PGM5: variants seen among roughly 807,000 people sequenced by gnomAD.
PGM5 encodes the protein phosphoglucomutase 5.
A neutral mutation model predicts 59.2 loss-of-function variants in PGM5; 23 were observed. The ratio of observed to expected loss-of-function variants is 0.39; its 90% CI spans 0.28 to 0.55. PGM5 has a LOEUF of 0.55. Among genes scored for constraint, PGM5 ranks in the 20% least tolerant of loss-of-function variants. The probability of loss-of-function intolerance (pLI) is 0.66; values close to 1 mark genes in which losing one functional copy is unlikely to be tolerated. For missense variants in PGM5, 574 were observed against 748.3 expected, an observed-to-expected ratio of 0.77 and a Z score of 2.72; for synonymous variants, 214 against 286.0, an observed-to-expected ratio of 0.75 and a Z score of 2.54.
In PGM5 at chr9:68,523,744, C is replaced by T. The variant is rs140832556; in HGVS notation, c.1615-5823C>T. The stretch of plus-strand genomic sequence containing the variant: ...TCGTCATCCACACCTATTCACTCTC[C>T]ACCCATGGCTCCAATCCTTCCCCGA... On this transcript the variant is annotated intron_variant, in intron 10 of 10. Transcript: ENST00000396396. Among the ~76,000 whole-genome samples, 478 of 152,286 alleles carry T rather than the reference C, an allele frequency of 3.1e-3. 1 individual carries two copies. The highest frequency in any genetic ancestry group is 0.014 in the Middle Eastern group (4 of 294).
intron 1 of PGM5, among the ~76,000 whole-genome samples, chr9:68,370,509 TA>T (rs1821665408): frequency 6.6e-6 from 1 of 152,238 alleles, no homozygotes; most frequent in Non-Finnish European, 1.5e-5. Flanking sequence ...GAACTCATAC[TA>T]AAACTAGTTT....
At chr9:68,413,125 T>C (rs1413708807) in intron 6 of PGM5, among the ~76,000 whole-genome samples, 1 of 152,200 alleles carries the variant, frequency 6.6e-6, no homozygotes, top group Non-Finnish European at 1.5e-5. Flanking sequence ...CAAAGCAGCA[T>C]TACTTGAGAG....
chr9:68,527,401 T>C (rs538118693), intron 10 of PGM5, among the ~76,000 whole-genome samples: 1 of 152,354 alleles, frequency 6.6e-6, no homozygotes, highest in East Asian at 1.9e-4. Context: ...TGAGTTTAAC[T>C]TCTTTGATAG....
At chr9:68,404,329 A>G (rs1442390287) in intron 6 of PGM5, among the ~76,000 whole-genome samples, 2 of 152,110 alleles carry the variant, frequency 1.3e-5, no homozygotes, top group African/African-American at 4.8e-5. Flanking sequence ...GGGTTTTGCC[A>G]TGTTGGCCAG....
chr9:68,416,795 C>T (rs1192084508), intron 6 of PGM5, among the ~76,000 whole-genome samples: 1 of 152,194 alleles, frequency 6.6e-6, no homozygotes, highest in Non-Finnish European at 1.5e-5. Flanking sequence ...TCTCTTTAAG[C>T]AGGCAACCTC....
intron 6 of PGM5, among the ~76,000 whole-genome samples, chr9:68,423,671 C>T (rs62553010): frequency 3.3e-5 from 5 of 151,088 alleles, no homozygotes; most frequent in Non-Finnish European, 7.4e-5. Flanking sequence ...CTCTCTCTCT[C>T]TCTCTCTCTC....
chr9:68,408,648 C>T (rs1822864893), intron 6 of PGM5, among the ~76,000 whole-genome samples: 1 of 152,102 alleles, frequency 6.6e-6, no homozygotes, highest in Admixed American at 6.6e-5. Flanking sequence ...AAGTCCTTGC[C>T]CATGCCTATG....
rs2480146 is a variant in PGM5, at chr9:68,387,570, A to C, written c.679A>C (p.Ile227Leu). The change falls in exon 4 of 11, where the codon ATT (isoleucine) becomes CTT (leucine). Residue 227 changes from isoleucine to leucine, a missense_variant. Ile to Leu is a conservative substitution (Grantham distance 5). This residue lies in a region of PGM5 where 103 missense variants were observed against 112.4 expected (regional missense o/e 0.92). Coordinates refer to ENST00000396396, the MANE Select transcript of PGM5 (RefSeq NM_021965.4). ...TGGACCCAGCCAACTGAAGATTCGC[A>C]TTGACGCAATGCACGGAGGTAAGCT... is the stretch of plus-strand genomic sequence containing the variant. ...LTGPSQLKIR[I>L]DAMHGVMGPY... is the part of the protein sequence containing the mutation. 1.5e-6 allele frequency: 2 copies of C among 1,365,770 alleles called. No individual in the cohort carries two copies. The highest frequency in any genetic ancestry group is 2.1e-6 in the Non-Finnish European group (2 of 975,320). 84.6% of individuals were successfully genotyped at this position (1,365,770 alleles called of 1,614,324 possible).
intron 1 of PGM5, among the ~76,000 whole-genome samples, chr9:68,373,454 A>G (rs1161105761): frequency 6.6e-6 from 1 of 152,232 alleles, no homozygotes; most frequent in Non-Finnish European, 1.5e-5. Context: ...CTTAAACAGA[A>G]TGTATATTAC....
intron 6 of PGM5, among the ~76,000 whole-genome samples, chr9:68,418,072 C>T (rs1454871520): frequency 3.3e-5 from 5 of 152,228 alleles, no homozygotes; most frequent in Non-Finnish European, 7.3e-5. Flanking sequence ...GGCTGAGCTG[C>T]TTTGGGGGCC....
intron 6 of PGM5, among the ~76,000 whole-genome samples, chr9:68,442,606 G>A (rs1452056353): frequency 6.6e-6 from 1 of 152,204 alleles, no homozygotes; most frequent in African/African-American, 2.4e-5. Context: ...GCAGAATAGA[G>A]AGTCCAGAAA....
At chr9:68,515,790 A>G (rs1554689672) in intron 10 of PGM5, among the ~76,000 whole-genome samples, 2 of 152,226 alleles carry the variant, frequency 1.3e-5, no homozygotes, top group African/African-American at 4.8e-5. Flanking sequence ...ATGGGCAAAT[A>G]AACTTAAGCT....
chr9:68,484,116 G>A, intron 9 of PGM5, 68 bp downstream of exon 9: 1 of 1,376,830 alleles, frequency 7.3e-7, no homozygotes, highest in Non-Finnish European at 1.0e-6. Context: ...CCTAGAACTG[G>A]AGAGGTCCTT....
At chr9:68,480,281 T>C (rs1824175834) in intron 8 of PGM5, among the ~76,000 whole-genome samples, 1 of 152,192 alleles carries the variant, frequency 6.6e-6, no homozygotes, top group African/African-American at 2.4e-5. Flanking sequence ...GCTTTCATAA[T>C]CCTCTCTCTA....
In PGM5 at chr9:68,384,482, T is replaced by C. The variant is rs1554678667; in HGVS notation, c.509T>C (p.Ile170Thr). The C allele has an allele frequency of 2.5e-6, 4 of 1,609,754 alleles. No individual in the cohort carries two copies. Among genetic ancestry groups the C allele is most frequent in the Non-Finnish European group, 3.4e-6 (4 of 1,176,518 alleles). Reference sequence around the variant, plus strand: ...TATGCTATATGTCCTGATCTCCGAATCGACCTATCTCGACTAGGAAGACAA... The same window carrying C: ...TATGCTATATGTCCTGATCTCCGAACCGACCTATCTCGACTAGGAAGACAA... Reference protein sequence around the residue: ...EEYAICPDLRIDLSRLGRQEF... With the variant: ...EEYAICPDLRTDLSRLGRQEF... Residue 170 changes from isoleucine to threonine, a missense_variant, in exon 3 of 11, where the codon ATC (isoleucine) becomes ACC (threonine). Ile to Thr is a moderately conservative substitution (Grantham distance 89). Around this residue, in one of 7 missense-constraint regions of PGM5, gnomAD observed 103 missense variants for 112.4 expected, o/e 0.92. Transcript: ENST00000396396.
intron 6 of PGM5, among the ~76,000 whole-genome samples, chr9:68,419,845 A>G (rs1255507747): frequency 6.6e-6 from 1 of 152,094 alleles, no homozygotes; most frequent in Non-Finnish European, 1.5e-5. Context: ...AGAGCCTCAC[A>G]TTGTTGAGAT....
intron 3 of PGM5, among the ~76,000 whole-genome samples, chr9:68,387,232 C>T (rs2132005043): frequency 6.6e-6 from 1 of 152,106 alleles, no homozygotes; most frequent in African/African-American, 2.4e-5. Context: ...GAATTTATAA[C>T]TTGGTATCAT....
intron 7 of PGM5, among the ~76,000 whole-genome samples, chr9:68,477,746 C>A (rs1167085456): frequency 6.6e-6 from 1 of 152,192 alleles, no homozygotes; most frequent in African/African-American, 2.4e-5. Context: ...TATGTGATAT[C>A]CCAGCCACTG....
At chr9:68,497,975 G>A (rs574743523) in intron 9 of PGM5, 1 of 152,242 alleles carries the variant, frequency 6.6e-6, no homozygotes, top group Non-Finnish European at 1.5e-5. Context: ...GGCAGCACTA[G>A]TAGATGTGGC....
Sources: allele counts gnomAD v4.1 joint callset (sites outside exome capture counted in the v4.1 genomes callset), GRCh38; gene constraint gnomAD v4.1.1; regional missense constraint gnomAD v4.1.1; transcripts MANE v1.5; gene names NCBI Gene and HGNC (gene_info 2026-07-23, HGNC 2026-07-21).